The following PLCL2 variants were observed in gnomAD, a reference collection of about 807,000 sequenced individuals.
The protein encoded by PLCL2 is inactive phospholipase C-like protein 2.
A neutral mutation model predicts 79.6 loss-of-function variants in PLCL2; 4 were observed. The ratio of observed to expected loss-of-function variants is 0.05; its 90% CI spans 0.02 to 0.11. The LOEUF (loss-of-function observed/expected upper bound fraction) is 0.11. PLCL2 is among the 10% of genes least tolerant of loss of function. The probability of loss-of-function intolerance (pLI) is 1.00; values close to 1 mark genes in which losing one functional copy is unlikely to be tolerated. For missense variants in PLCL2, 895 were observed against 1,291.0 expected, an observed-to-expected ratio of 0.69 and a Z score of 4.70; for synonymous variants, 484 against 457.7, an observed-to-expected ratio of 1.06 and a Z score of -0.73.
At chr3:16,982,305 T>A (rs1180719500) in intron 1 of PLCL2, among the ~76,000 whole-genome samples, 2 of 152,184 alleles carry the variant, frequency 1.3e-5, no homozygotes, top group East Asian at 3.8e-4. Context: ...TAAAGCAGGT[T>A]TTTAGGAACT....
intron 3 of PLCL2, among the ~76,000 whole-genome samples, chr3:17,040,547 GC>G (rs1304452705): frequency 6.6e-6 from 1 of 152,122 alleles, no homozygotes; most frequent in Non-Finnish European, 1.5e-5. Context: ...GCTCTGCCAG[GC>G]CTCCTGGATA....
At chr3:16,909,379 A>C (rs995568268) in intron 1 of PLCL2, among the ~76,000 whole-genome samples, 1 of 152,232 alleles carries the variant, frequency 6.6e-6, no homozygotes, top group Non-Finnish European at 1.5e-5. Context: ...AAATAATAAT[A>C]GTGTTCCTAC....
chr3:16,968,500 GTATTTATAGA>G (rs995149891), intron 1 of PLCL2, among the ~76,000 whole-genome samples: 5 of 152,102 alleles, frequency 3.3e-5, no homozygotes, highest in African/African-American at 1.2e-4. Context: ...CTGGTTAGCT[GTATTTATAGA>G]TATTTTATTC....
chr3:17,070,715 G>A (rs2065053256), intron 5 of PLCL2, among the ~76,000 whole-genome samples: 1 of 152,158 alleles, frequency 6.6e-6, no homozygotes, highest in African/African-American at 2.4e-5. Flanking sequence ...TTCCTGGCGG[G>A]AGGGCATGGG....
Position 17,067,991 on chromosome 3 carries a change from A to G in PLCL2, c.3130A>G (p.Thr1044Ala), listed in dbSNP as rs1409956267. The G allele has an allele frequency of 1.2e-6, 2 of 1,612,454 alleles. No individual in the cohort carries two copies. Among genetic ancestry groups the G allele is most frequent in the South Asian group, 2.2e-5 (2 of 90,918 alleles). The part of the protein sequence containing the change: ...EFHEHLHSIG[T>A]KEGLKERKLQ... ...CCATGAACACTTGCACAGCATAGGC[A>G]CCAAGGAAGGTTTGAAGGAAAGAAA... Residue 1044 changes from threonine to alanine, a missense_variant, in exon 5 of 6, where the codon ACC (threonine) becomes GCC (alanine). Physicochemically the swap from Thr to Ala is moderately conservative, Grantham distance 58. Transcript: ENST00000615277.
At chr3:17,079,634 G>A (rs948340198) in intron 5 of PLCL2, among the ~76,000 whole-genome samples, 4 of 152,158 alleles carry the variant, frequency 2.6e-5, no homozygotes, top group Admixed American at 6.5e-5. Context: ...TTCAGACACC[G>A]CCTCCTCCGT....
At chr3:16,933,744 T>G (rs1697468149) in intron 1 of PLCL2, among the ~76,000 whole-genome samples, 1 of 150,740 alleles carries the variant, frequency 6.6e-6, no homozygotes, top group Non-Finnish European at 1.5e-5. Context: ...TACACATCCA[T>G]TGTATAGATG....
intron 1 of PLCL2, among the ~76,000 whole-genome samples, chr3:17,005,702 A>C (rs2064254213): frequency 6.6e-6 from 1 of 152,200 alleles, no homozygotes; most frequent in Non-Finnish European, 1.5e-5. Context: ...GCTAATGTAC[A>C]AATGAACCTT....
chr3:16,980,689 C>G (rs190469066), intron 1 of PLCL2, among the ~76,000 whole-genome samples: 262 of 151,338 alleles, frequency 1.7e-3, no homozygotes, highest in Non-Finnish European at 3.0e-3. Flanking sequence ...ACATCCCAGA[C>G]GATGGGCGGC....
At chr3:16,930,956 G>A (rs1697378196) in intron 1 of PLCL2, among the ~76,000 whole-genome samples, 1 of 152,076 alleles carries the variant, frequency 6.6e-6, no homozygotes, top group Admixed American at 6.6e-5. Flanking sequence ...AGGCATGTCA[G>A]TCTTCTATTT....
chr3:17,066,297 C>T (rs1167321968), intron 4 of PLCL2, among the ~76,000 whole-genome samples: 3 of 152,246 alleles, frequency 2.0e-5, no homozygotes, highest in Admixed American at 2.0e-4. Context: ...CAGTGAGGTT[C>T]CCATACCTTA....
chr3:17,075,239 C>T (rs1328860370), intron 5 of PLCL2, among the ~76,000 whole-genome samples: 1 of 152,046 alleles, frequency 6.6e-6, no homozygotes, highest in Non-Finnish European at 1.5e-5. Context: ...CTTTGCATGT[C>T]ATTAGGGAGG....
chr3:16,995,799 A>G (rs992302678), intron 1 of PLCL2, among the ~76,000 whole-genome samples: 8 of 152,318 alleles, frequency 5.3e-5, no homozygotes, highest in African/African-American at 1.9e-4. Context: ...CAATAAGCCA[A>G]AAATAAATTT....
chr3:16,976,912 C>T lies in PLCL2; in HGVS notation c.328-32762C>T, dbSNP rs549534936. Among the ~76,000 whole-genome samples the T allele has an allele frequency of 3.4e-3, 513 of 152,340 alleles. 1 individual carries two copies. The highest frequency in any genetic ancestry group is 6.2e-3 in the Non-Finnish European group (425 of 68,036). On this transcript the variant is annotated intron_variant, in intron 1 of 5. Transcript: ENST00000615277. ...CATTTGTATTAGCCAGAGTCCCAAA[C>T]TCCTGGTCCCTGGCTGGGGCCCATC... is the stretch of plus-strand genomic sequence containing the variant.
intron 3 of PLCL2, among the ~76,000 whole-genome samples, chr3:17,015,118 C>T (rs990675358): frequency 6.6e-6 from 1 of 152,202 alleles, no homozygotes; most frequent in Admixed American, 6.5e-5. Flanking sequence ...CAGAGACACT[C>T]ACCTCAGTTG....
intron 4 of PLCL2, among the ~76,000 whole-genome samples, chr3:17,060,597 C>A (rs145741288): frequency 3.0e-3 from 456 of 152,294 alleles, no homozygotes; most frequent in Non-Finnish European, 5.5e-3. Flanking sequence ...TTTACAAAGG[C>A]TGTACATTTA....
intron 1 of PLCL2, among the ~76,000 whole-genome samples, chr3:16,998,219 C>A (rs2064173699): frequency 6.6e-6 from 1 of 151,882 alleles, no homozygotes; most frequent in Non-Finnish European, 1.5e-5. Flanking sequence ...CAAAGTTATC[C>A]TGAAATAGTG....
At chr3:16,957,514 G>T (rs546148781) in intron 1 of PLCL2, among the ~76,000 whole-genome samples, 2 of 152,270 alleles carry the variant, frequency 1.3e-5, no homozygotes, top group Non-Finnish European at 2.9e-5. Context: ...TGTTGATTTG[G>T]GGTGGACAGT....
At chr3:17,052,379 A>G (rs2064851572) in intron 4 of PLCL2, among the ~76,000 whole-genome samples, 1 of 152,150 alleles carries the variant, frequency 6.6e-6, no homozygotes, top group African/African-American at 2.4e-5. Context: ...AGTGCCAGAC[A>G]ATGAAGAATA....
Sources: gnomAD v4.1 joint callset for allele counts (sites outside exome capture counted in the v4.1 genomes callset) on GRCh38, gnomAD v4.1.1 for gene constraint, MANE v1.5 for transcripts, NCBI Gene and HGNC (gene_info 2026-07-23, HGNC 2026-07-21) for gene names.